PTPRD: variants seen among roughly 807,000 people sequenced by gnomAD.
The protein encoded by PTPRD is receptor-type tyrosine-protein phosphatase delta.
PTPRD carries 34 observed loss-of-function variants against 214.5 expected under a neutral mutation model. The observed-to-expected ratio is 0.16, with a 90% CI of 0.12 to 0.21. The LOEUF is 0.21. PTPRD is among the 10% of genes least tolerant of loss of function. PTPRD has a pLI of 1.00. For missense variants in PTPRD, 2,545 were observed against 2,398.7 expected (o/e 1.06, Z -1.27); for synonymous variants, 1,128 against 845.7 (o/e 1.33, Z -5.79).
In PTPRD at chr9:9,051,238, A is replaced by G. The variant is rs377550446; in HGVS notation, c.-142-32503T>C. On this transcript the variant is annotated intron_variant, in intron 10 of 45. Transcript: ENST00000381196. ...ATCTGTCAATTAAAAAATCTAAAAA[A>G]ATTATAAAATATTATGAATATGCAG... Among the ~76,000 whole-genome samples the G allele has an allele frequency of 2.1e-3, 314 of 152,312 alleles. 2 individuals carry two copies. Among genetic ancestry groups the G allele is most frequent in the South Asian group, 9.1e-3 (44 of 4,832 alleles).
chr9:9,951,318 A>G (rs914347045), intron 4 of PTPRD, among the ~76,000 whole-genome samples: 1 of 152,208 alleles, frequency 6.6e-6, no homozygotes, highest in East Asian at 1.9e-4. Flanking sequence ...CTTATCTCCT[A>G]AAATTAAAAG....
chr9:8,663,498 A>C (rs1259238944), intron 12 of PTPRD, among the ~76,000 whole-genome samples: 1 of 151,704 alleles, frequency 6.6e-6, no homozygotes, highest in Non-Finnish European at 1.5e-5. Context: ...TGTTGTTGTT[A>C]TTTATTTATT....
intron 8 of PTPRD, among the ~76,000 whole-genome samples, chr9:9,544,502 T>C (rs2078319481): frequency 1.3e-5 from 2 of 151,676 alleles, no homozygotes; most frequent in Admixed American, 1.3e-4. Context: ...TGAGGGCCTA[T>C]ATACTTAATG....
At chr9:9,217,355 C>T (rs190720192) in intron 9 of PTPRD, among the ~76,000 whole-genome samples, 1 of 152,270 alleles carries the variant, frequency 6.6e-6, no homozygotes, top group Admixed American at 6.5e-5. Context: ...GCTACAAATA[C>T]ATAAAATAAG....
At chr9:8,840,607 T>C (rs2097539141) in intron 11 of PTPRD, among the ~76,000 whole-genome samples, 1 of 152,226 alleles carries the variant, frequency 6.6e-6, no homozygotes, top group South Asian at 2.1e-4. Context: ...TTGAACATAT[T>C]CAAATGGGAT....
chr9:9,745,740 C>G (rs534642365), intron 6 of PTPRD, among the ~76,000 whole-genome samples: 1 of 152,164 alleles, frequency 6.6e-6, no homozygotes, highest in Admixed American at 6.5e-5. Flanking sequence ...TTTTGTTTTC[C>G]TCACTGTACT....
chr9:10,506,848 A>G (rs10809104), intron 2 of PTPRD, among the ~76,000 whole-genome samples: 33,492 of 151,976 alleles, frequency 0.22, 4,493 homozygotes, highest in Non-Finnish European at 0.29. Context: ...GACTAAAATT[A>G]GACATTTTTG....
At position 10,516,014 on chromosome 9, in the gene PTPRD, T is replaced by C. The variant is rs115571728; in HGVS notation, c.-600+96384A>G. 1.4e-3 allele frequency among the ~76,000 whole-genome samples: 207 copies of C among 152,100 alleles called. 1 individual carries two copies. The highest frequency in any genetic ancestry group is 4.5e-3 in the African/African-American group (186 of 41,548). ...GGTTGTTTCCACATGTTTGTTATTG[T>C]GAATAGAGATGCAGTGTACATGGTA... On this transcript the variant is annotated intron_variant, in intron 2 of 45. Transcript: ENST00000381196.
intron 4 of PTPRD, among the ~76,000 whole-genome samples, chr9:9,981,533 A>T (rs200528781): frequency 6.7e-6 from 1 of 150,372 alleles, no homozygotes; most frequent in African/African-American, 2.5e-5. Context: ...TTTTTTTTGT[A>T]TTTTTTTTAC....
intron 10 of PTPRD, among the ~76,000 whole-genome samples, chr9:9,019,348 G>GAAAGAA (rs1554629845): frequency 2.8e-4 from 30 of 105,572 alleles, no homozygotes; most frequent in South Asian, 2.0e-3. Flanking sequence ...ACGAAAGAAA[G>GAAAGAA]AAAGAAAGAA....
intron 43 of PTPRD, among the ~76,000 whole-genome samples, chr9:8,332,052 A>G (rs1316119355): frequency 2.0e-5 from 3 of 152,186 alleles, no homozygotes; most frequent in Non-Finnish European, 4.4e-5. Context: ...TCTGAGACCC[A>G]AAGTGGGGGT....
chr9:8,568,015 C>G (rs1431828966), intron 14 of PTPRD, among the ~76,000 whole-genome samples: 1 of 152,036 alleles, frequency 6.6e-6, no homozygotes, highest in Non-Finnish European at 1.5e-5. Context: ...TGGCTGTCAA[C>G]CATTTTTAAT....
chr9:8,481,014 C>A lies in PTPRD; in HGVS notation c.3413+3105G>T, dbSNP rs377212096. On this transcript the variant is annotated intron_variant, in intron 30 of 45. Transcript: ENST00000381196. The stretch of plus-strand genomic sequence containing the variant: ...GATTAGCCAGGCGTGGTGGTGGGCT[C>A]CTGTAGTCACAGCCGCTCGAGAGGC... Among the ~76,000 whole-genome samples the A allele has an allele frequency of 4.3e-4, 65 of 151,906 alleles. 1 individual carries two copies. The East Asian group carries it at 0.012, about 29-fold the overall frequency.
intron 9 of PTPRD, among the ~76,000 whole-genome samples, chr9:9,291,846 GTA>G (rs1595279509): frequency 6.7e-6 from 1 of 149,934 alleles, no homozygotes; most frequent in Admixed American, 6.7e-5. Context: ...ATATATATGT[GTA>G]TATGTGTGTG....
intron 12 of PTPRD, among the ~76,000 whole-genome samples, chr9:8,707,461 T>G (rs1021458654): frequency 1.3e-5 from 2 of 152,188 alleles, no homozygotes; most frequent in Non-Finnish European, 2.9e-5. Flanking sequence ...CTTTCAAACA[T>G]CCAGCAGAAA....
chr9:8,684,413 T>C (rs557537299), intron 12 of PTPRD, among the ~76,000 whole-genome samples: 5 of 151,982 alleles, frequency 3.3e-5, no homozygotes, highest in Non-Finnish European at 2.9e-5. Context: ...TGAACCAAGA[T>C]TGGAACCCAA....
At chr9:10,321,477 G>A (rs2096551166) in intron 3 of PTPRD, among the ~76,000 whole-genome samples, 1 of 151,992 alleles carries the variant, frequency 6.6e-6, no homozygotes, top group South Asian at 2.1e-4. Context: ...AATATGGTTT[G>A]GAAGATAAGA....
chr9:9,329,459 A>G (rs1555241199), intron 9 of PTPRD, among the ~76,000 whole-genome samples: 1 of 152,150 alleles, frequency 6.6e-6, no homozygotes, highest in Non-Finnish European at 1.5e-5. Context: ...GTTCTTAAAA[A>G]GCATTTTGAA....
intron 2 of PTPRD, among the ~76,000 whole-genome samples, chr9:10,501,350 G>T (rs1346976425): frequency 2.0e-5 from 3 of 151,828 alleles, no homozygotes; most frequent in Non-Finnish European, 2.9e-5. Context: ...GTTTGACAAA[G>T]GTCTGAATAA....
Sources: allele counts gnomAD v4.1 joint callset (sites outside exome capture counted in the v4.1 genomes callset), GRCh38; gene constraint gnomAD v4.1.1; transcripts MANE v1.5; gene names NCBI Gene and HGNC (gene_info 2026-07-23, HGNC 2026-07-21).